Variants in DENND4A observed in about 807,000 individuals in gnomAD.
DENND4A encodes the protein DENN domain containing 4A, also known as C-myc promoter-binding protein.
A neutral mutation model predicts 199.3 loss-of-function variants in DENND4A; 70 were observed. The ratio of observed to expected loss-of-function variants is 0.35; its 90% CI spans 0.29 to 0.43. The LOEUF is 0.43. DENND4A is among the 20% of genes least tolerant of loss of function. DENND4A has a pLI of 1.00. For missense variants in DENND4A, 1,723 were observed against 2,255.8 expected, an observed-to-expected ratio of 0.76 and a Z score of 4.78; for synonymous variants, 686 against 766.9, an observed-to-expected ratio of 0.89 and a Z score of 1.74.
At chr15:65,722,669 T>A (rs1016378713) in intron 12 of DENND4A, among the ~76,000 whole-genome samples, 179 bp downstream of exon 12, 1 of 150,092 alleles carries the variant, frequency 6.7e-6, no homozygotes, top group African/African-American at 2.5e-5. Flanking sequence ...AAAAAAAAAA[T>A]ACACATTTTA....
chr15:65,727,085 GGGA>G (rs1000074725), intron 11 of DENND4A, among the ~76,000 whole-genome samples: 1 of 152,046 alleles, frequency 6.6e-6, no homozygotes, highest in African/African-American at 2.4e-5. Flanking sequence ...ATGCCAAGGG[GGGA>G]GGATCACATG....
intron 29 of DENND4A, 138 bp from the exon 30 acceptor site, chr15:65,665,600 A>T: frequency 1.7e-6 from 1 of 577,280 alleles, no homozygotes. Context: ...TGATTTATCT[A>T]CATTTGATAT....
rs1012085241 is a variant in DENND4A at position 65,788,907 on chromosome 15, C to T, written c.-102+3103G>A. Among the ~76,000 whole-genome samples the T allele has an allele frequency of 2.2e-4, 31 of 137,792 alleles. No individual in the cohort carries two copies. The East Asian group carries it at 4.2e-3, about 19-fold the overall frequency. The allele number at this position is 137,792 out of a possible 152,430, so 90.4% of individuals were successfully genotyped here. A position where few individuals can be genotyped will look rare whatever the true frequency, so the allele number is the denominator to read the frequency against. ...TAATTATTCAGAATAGAGAAAAGCACAAAAACTAAAATAAAAATTACCCAT... is the reference window on the plus strand; with the variant it reads ...TAATTATTCAGAATAGAGAAAAGCATAAAAACTAAAATAAAAATTACCCAT... On this transcript the variant is annotated intron_variant, in intron 1 of 32. Coordinates refer to ENST00000443035, the MANE Select transcript of DENND4A (RefSeq NM_001320835.1).
intron 5 of DENND4A, among the ~76,000 whole-genome samples, 186 bp downstream of exon 5, chr15:65,741,529 T>TA (rs1278811143): frequency 5.3e-5 from 8 of 152,186 alleles, no homozygotes; most frequent in Non-Finnish European, 1.0e-4. Context: ...CTCACCTTAT[T>TA]TTAAAATTAA....
At position 65,660,177 on chromosome 15, in the gene DENND4A, G is replaced by A; in HGVS notation, c.*1674C>T. 1 of 734,970 alleles carries A rather than the reference G, an allele frequency of 1.4e-6. No homozygotes were observed. Among genetic ancestry groups the A allele is most frequent in the Admixed American group, 2.1e-5 (1 of 46,954 alleles). The allele number at this position is 734,970 out of a possible 1,614,324, so 45.5% of individuals were successfully genotyped here. A position where few individuals can be genotyped will look rare whatever the true frequency, so the allele number is the denominator to read the frequency against. On this transcript the variant is annotated 3_prime_UTR_variant, in exon 33 of 33. Transcript: ENST00000443035. ...ATATTGGAGTGGTATTTACAAAGGAGAGGCAGATATATGTGCCTAGCACCA... is the reference window on the plus strand; with the variant it reads ...ATATTGGAGTGGTATTTACAAAGGAAAGGCAGATATATGTGCCTAGCACCA...
At position 65,729,692 on chromosome 15, in the gene DENND4A, C is replaced by T; in HGVS notation, c.1167-14G>A. 6.5e-7 allele frequency: 1 copy of T among 1,539,374 alleles called. No individual in the cohort carries two copies. Among genetic ancestry groups the T allele is most frequent in the Non-Finnish European group, 8.7e-7 (1 of 1,143,162 alleles). On this transcript the variant is annotated splice_polypyrimidine_tract_variant and intron_variant, in intron 9 of 32. Coordinates refer to ENST00000443035, the MANE Select transcript of DENND4A (RefSeq NM_001320835.1). ...AACTTGCCACCACTGTCAATCCAAA[C>T]AAAAATATATAATTAAAAAATAATG...
chr15:65,720,811 C>T lies in DENND4A; in HGVS notation c.1588+2037G>A, dbSNP rs140813425. 8.2e-4 allele frequency among the ~76,000 whole-genome samples: 124 copies of T among 151,090 alleles called. 3 individuals carry two copies. The East Asian group carries it at 0.022, about 27-fold the overall frequency. ...TTCAATCTCATTCTCATAGCTGTAA[C>T]GTAAAAGAATGTATGTGAATGTGCT... is the stretch of plus-strand genomic sequence containing the variant. On this transcript the variant is annotated intron_variant, in intron 12 of 32. Transcript: ENST00000443035.
At chr15:65,773,489 CA>C (rs1305860243) in intron 1 of DENND4A, among the ~76,000 whole-genome samples, 2 of 151,706 alleles carry the variant, frequency 1.3e-5, no homozygotes, top group East Asian at 3.9e-4. Context: ...CTTGAGGAGT[CA>C]AAAAAGAACG....
chr15:65,665,522 T>C, intron 29 of DENND4A, 60 bp from the exon 30 acceptor site: 1 of 1,305,408 alleles, frequency 7.7e-7, no homozygotes, highest in Non-Finnish European at 1.0e-6. Flanking sequence ...CATAAGTATT[T>C]TATAAAATTC....
chr15:65,690,791 G>C lies in DENND4A; in HGVS notation c.3803C>G (p.Pro1268Arg). The C allele has an allele frequency of 6.2e-7, 1 of 1,613,408 alleles. No individual in the cohort carries two copies. Among genetic ancestry groups the C allele is most frequent in the South Asian group, 1.1e-5 (1 of 91,060 alleles). ...ACATGCCCGTTGTAAATCAATGCTT[G>C]GTGTACGACTTGTCAAAGGACTGCT... ...NMSSPLTSRT[P>R]SIDLQRACDD... is the part of the protein sequence containing the mutation. The change falls in exon 23 of 33, where the codon CCA becomes CGA. Residue 1268 changes from proline to arginine, a missense_variant. Pro to Arg is a moderately radical substitution (Grantham distance 103, BLOSUM62 -2). Transcript: ENST00000443035.
At chr15:65,721,496 A>C (rs2075643448) in intron 12 of DENND4A, among the ~76,000 whole-genome samples, 1 of 152,036 alleles carries the variant, frequency 6.6e-6, no homozygotes, top group Non-Finnish European at 1.5e-5. Context: ...GATCAGATAA[A>C]GAAATGAAGG....
At chr15:65,713,758 T>C (rs2075312826) in intron 14 of DENND4A, among the ~76,000 whole-genome samples, 1 of 152,228 alleles carries the variant, frequency 6.6e-6, no homozygotes, top group Non-Finnish European at 1.5e-5. Context: ...CTTGGTTTTC[T>C]AGCACAAGAT....
intron 4 of DENND4A, among the ~76,000 whole-genome samples, chr15:65,749,901 C>T (rs2076515190): frequency 6.6e-6 from 1 of 152,102 alleles, no homozygotes; most frequent in African/African-American, 2.4e-5. Context: ...ATCAGTTCCA[C>T]TTACAATTAC....
At chr15:65,691,618 C>G (rs1385390978) in intron 22 of DENND4A, 107 bp from the exon 23 acceptor site, 2 of 1,141,082 alleles carry the variant, frequency 1.8e-6, no homozygotes, top group Non-Finnish European at 2.4e-6. Context: ...CAAGCACTCA[C>G]TGAGTGTCTG....
At chr15:65,771,623 T>A in intron 1 of DENND4A, 1 of 1,612,516 alleles carries the variant, frequency 6.2e-7, no homozygotes, top group East Asian at 2.2e-5. Flanking sequence ...ATGTCAATGC[T>A]GATGTTGTTG....
intron 13 of DENND4A, among the ~76,000 whole-genome samples, chr15:65,715,907 CT>C (rs554211760): frequency 1.3e-5 from 2 of 152,056 alleles, no homozygotes; most frequent in African/African-American, 4.8e-5. Context: ...CTCTTTTCCC[CT>C]AAAAGCTTTG....
At chr15:65,758,457 G>A (rs1268226138) in intron 2 of DENND4A, among the ~76,000 whole-genome samples, 2 of 152,112 alleles carry the variant, frequency 1.3e-5, no homozygotes, top group African/African-American at 4.8e-5. Flanking sequence ...GGGACCACAG[G>A]TGTGCACCAC....
At position 65,739,929 on chromosome 15, in the gene DENND4A, C is replaced by T. The variant is rs538860687; in HGVS notation, c.632-1054G>A. 4.6e-5 allele frequency among the ~76,000 whole-genome samples: 7 copies of T among 152,240 alleles called. No individual in the cohort carries two copies. The South Asian group carries it at 1.5e-3, about 32-fold the overall frequency. On this transcript the variant is annotated intron_variant, in intron 5 of 32. Transcript: ENST00000443035. The stretch of plus-strand genomic sequence containing the variant: ...GGCGTGGTGGCTCATGCCTGTAATC[C>T]TAGCACTTTGGGAGGCCGAGGCGGA...
At chr15:65,683,862 C>A (rs1302707283) in intron 23 of DENND4A, among the ~76,000 whole-genome samples, 2 of 152,196 alleles carry the variant, frequency 1.3e-5, no homozygotes. Context: ...CAGTAAGATA[C>A]CTCATGCCCA....
Sources: gnomAD v4.1 joint callset for allele counts (sites outside exome capture counted in the v4.1 genomes callset) on GRCh38, gnomAD v4.1.1 for gene constraint, MANE v1.5 for transcripts, NCBI Gene and HGNC (gene_info 2026-07-23, HGNC 2026-07-21) for gene names.